Variants in SLC36A3 observed in about 807,000 individuals in gnomAD.
The protein encoded by SLC36A3 is proton-coupled amino acid transporter 3.
SLC36A3 carries 35 observed loss-of-function variants against 44.3 expected under a neutral mutation model. That is an observed-to-expected ratio of 0.79 (90% CI 0.60 to 1.05). SLC36A3 has a LOEUF of 1.05. Ranked by LOEUF, SLC36A3 falls within the 50% of genes least tolerant of loss-of-function variation. SLC36A3 has a pLI of 0.00. For synonymous variants in SLC36A3, 211 were observed against 227.6 expected (o/e 0.93, Z 0.66); for missense variants, 540 against 578.7 (o/e 0.93, Z 0.69).
chr5:151,299,512 C>T (rs1438007944), intron 1 of SLC36A3, among the ~76,000 whole-genome samples: 1 of 151,736 alleles, frequency 6.6e-6, no homozygotes, highest in African/African-American at 2.4e-5. Flanking sequence ...GGTGCTAGGG[C>T]CTAGGGTTCT....
rs1477157032 is a variant in SLC36A3 at position 151,293,384 on chromosome 5, C to T, written c.384G>A (p.Arg128=). Reference sequence around the variant, plus strand: ...ACTACCTTCCCCACACTGCATGGGCCCTCAGCCAGGTGTTCGGGCAGGTTT... The same window carrying T: ...ACTACCTTCCCCACACTGCATGGGCTCTCAGCCAGGTGTTCGGGCAGGTTT... The part of the protein sequence containing the change: ...GLETCPNTWL[R]AHAVWGRYTV... The change falls in exon 4 of 10, where the codon AGG becomes AGA. Residue 128 remains arginine, a synonymous_variant. Transcript: ENST00000335230. 1.2e-6 allele frequency: 2 copies of T among 1,613,604 alleles called. No individual in the cohort carries two copies. Among genetic ancestry groups the T allele is most frequent in the Admixed American group, 1.7e-5 (1 of 59,984 alleles).
intron 1 of SLC36A3, among the ~76,000 whole-genome samples, chr5:151,299,264 C>CTCTCTCTCTCTATATATATATATA (rs1372309288): frequency 1.0e-4 from 6 of 59,648 alleles, no homozygotes; most frequent in Non-Finnish European, 1.2e-4. Flanking sequence ...CTCTCTCTCT[C>CTCTCTCTCTCTATATATATATATA]TATATATATA....
chr5:151,284,094 C>T lies in SLC36A3; in HGVS notation c.924G>A (p.Lys308=), dbSNP rs17660011. 0.04 allele frequency: 63,932 copies of T among 1,613,996 alleles called. 1,453 individuals are homozygous for T. Among genetic ancestry groups the T allele is most frequent in the Non-Finnish European group, 0.044 (51,910 of 1,179,964 alleles). The change falls in exon 8 of 10, where the codon AAG becomes AAA. Residue 308 remains lysine (K), a synonymous_variant. Coordinates refer to ENST00000335230, the MANE Select transcript of SLC36A3 (RefSeq NM_181774.4). Reference sequence around the variant, plus strand: ...TGCTGGCCTGGGTGTCTGACCCAAACTTCATGTAGCCCAGTGTCCCCAGTA... The same window carrying T: ...TGCTGGCCTGGGTGTCTGACCCAAATTTCATGTAGCCCAGTGTCCCCAGTA... ...YILLGTLGYM[K]FGSDTQASIT...
intron 4 of SLC36A3, among the ~76,000 whole-genome samples, chr5:151,289,421 A>G (rs1231931971): frequency 6.6e-6 from 1 of 151,944 alleles, no homozygotes; most frequent in African/African-American, 2.4e-5. Context: ...ACTTGAGCCC[A>G]GGAGGTTGAG....
At position 151,293,349 on chromosome 5, in the gene SLC36A3, A is replaced by G; in HGVS notation, c.404+15T>C. ...TGATTTTTGTTGTTACTACTACAAC[A>G]TCTGTGACTACTACCTTCCCCACAC... is the stretch of plus-strand genomic sequence containing the variant. On this transcript the variant is annotated intron_variant, in intron 4 of 9. Transcript: ENST00000335230. 2 of 1,603,924 alleles carry G rather than the reference A, an allele frequency of 1.2e-6. No homozygotes were observed. The highest frequency in any genetic ancestry group is 1.7e-6 in the Non-Finnish European group (2 of 1,174,246).
intron 9 of SLC36A3, 121 bp downstream of exon 9, chr5:151,280,893 G>T: frequency 8.4e-7 from 1 of 1,191,654 alleles, no homozygotes; most frequent in Non-Finnish European, 1.2e-6. Context: ...GTCCAGGGAG[G>T]TGAAATATCC....
At chr5:151,282,387 C>T (rs981383210) in intron 8 of SLC36A3, among the ~76,000 whole-genome samples, 5 of 152,012 alleles carry the variant, frequency 3.3e-5, no homozygotes, top group Non-Finnish European at 7.4e-5. Context: ...TGGCTGGTCG[C>T]GAACTCCCAA....
intron 6 of SLC36A3, 66 bp downstream of exon 6, chr5:151,287,180 C>G: frequency 6.5e-7 from 1 of 1,539,204 alleles, no homozygotes; most frequent in African/African-American, 1.4e-5. Flanking sequence ...ATCATGATAA[C>G]AAACCCTCCT....
intron 1 of SLC36A3, among the ~76,000 whole-genome samples, chr5:151,299,112 A>AACTC (rs1278265609): frequency 6.6e-6 from 1 of 151,800 alleles, no homozygotes; most frequent in African/African-American, 2.4e-5. Flanking sequence ...GTTATTTATT[A>AACTC]ACTCACTCAC....
chr5:151,295,035 T>C (rs1357087236), intron 3 of SLC36A3, among the ~76,000 whole-genome samples: 2 of 150,280 alleles, frequency 1.3e-5, no homozygotes, highest in Non-Finnish European at 3.0e-5. Flanking sequence ...GCAACCTCTA[T>C]ATTAGAAAAA....
chr5:151,290,023 T>C (rs1389136734), intron 4 of SLC36A3, among the ~76,000 whole-genome samples: 2 of 152,150 alleles, frequency 1.3e-5, no homozygotes, highest in Non-Finnish European at 2.9e-5. Context: ...CTTCTAAATT[T>C]ATTAGCTGGT....
chr5:151,292,171 C>A (rs1201975070), intron 4 of SLC36A3, among the ~76,000 whole-genome samples: 5 of 152,110 alleles, frequency 3.3e-5, no homozygotes, highest in Non-Finnish European at 5.9e-5. Context: ...AAGGAATGGG[C>A]AGTTTTTAAT....
chr5:151,287,909 T>C (rs1213152649), intron 5 of SLC36A3, among the ~76,000 whole-genome samples: 4 of 152,186 alleles, frequency 2.6e-5, no homozygotes, highest in Non-Finnish European at 5.9e-5. Context: ...CCGTCTACAA[T>C]ACTTGTCACA....
chr5:151,287,650 T>G (rs576671665), intron 5 of SLC36A3, among the ~76,000 whole-genome samples, 186 bp from the exon 6 acceptor site: 62 of 152,292 alleles, frequency 4.1e-4, no homozygotes, highest in South Asian at 2.1e-3. Flanking sequence ...GGGTATCATA[T>G]ATTATTATTT....
At chr5:151,288,600 G>A (rs1266444284) in intron 4 of SLC36A3, 130 bp from the exon 5 acceptor site, 2 of 789,470 alleles carry the variant, frequency 2.5e-6, no homozygotes, top group East Asian at 3.0e-5. Flanking sequence ...CTTTTATTTT[G>A]AAAAATTTTT....
At chr5:151,287,557 T>C in intron 5 of SLC36A3, 93 bp from the exon 6 acceptor site, 1 of 1,194,556 alleles carries the variant, frequency 8.4e-7, no homozygotes. Flanking sequence ...TGTAACTTTT[T>C]AGTATAAATA....
intron 3 of SLC36A3, among the ~76,000 whole-genome samples, chr5:151,294,215 G>A (rs1165236810): frequency 6.6e-6 from 1 of 152,176 alleles, no homozygotes; most frequent in Non-Finnish European, 1.5e-5. Flanking sequence ...CATGCAGTCT[G>A]GATTTTGGGG....
intron 3 of SLC36A3, among the ~76,000 whole-genome samples, chr5:151,294,143 C>T (rs1359230810): frequency 6.6e-6 from 1 of 152,188 alleles, no homozygotes; most frequent in African/African-American, 2.4e-5. Context: ...CCCAACATGA[C>T]CCTCAGGTAG....
chr5:151,297,303 C>T (rs1427740276), intron 2 of SLC36A3: 1 of 152,132 alleles, frequency 6.6e-6, no homozygotes, highest in Non-Finnish European at 1.5e-5. Context: ...AAACAAATAC[C>T]ACCCTGGCAA....
Sources: allele counts gnomAD v4.1 joint callset (sites outside exome capture counted in the v4.1 genomes callset), GRCh38; gene constraint gnomAD v4.1.1; transcripts MANE v1.5; gene names NCBI Gene and HGNC (gene_info 2026-07-23, HGNC 2026-07-21).